The following FAM227B variants were observed in gnomAD, a reference collection of about 807,000 sequenced individuals.
FAM227B encodes the protein protein FAM227B.
Under a neutral mutation model 73.8 loss-of-function variants are expected in FAM227B, and 88 were observed. That is an observed-to-expected ratio of 1.19 (90% CI 1.00 to 1.42). The LOEUF is 1.42. Ranked by LOEUF, FAM227B falls within the 40% of genes most tolerant of loss-of-function variation. The probability of loss-of-function intolerance (pLI) is 0.00; values close to 1 mark genes in which losing one functional copy is unlikely to be tolerated. For synonymous variants in FAM227B, 210 were observed against 190.5 expected, an observed-to-expected ratio of 1.10 and a Z score of -0.84; for missense variants, 632 against 590.9, an observed-to-expected ratio of 1.07 and a Z score of -0.72.
intron 15 of FAM227B, chr15:49,329,206 G>T: frequency 2.0e-6 from 2 of 986,472 alleles, no homozygotes; most frequent in Non-Finnish European, 2.4e-6. Context: ...TGAATTCTGG[G>T]ATTTGTAATG....
chr15:49,382,736 GA>G (rs2046623710), intron 11 of FAM227B, among the ~76,000 whole-genome samples: 1 of 152,086 alleles, frequency 6.6e-6, no homozygotes, highest in Non-Finnish European at 1.5e-5. Flanking sequence ...CAATCACTGT[GA>G]AGATTCCCAG....
intron 11 of FAM227B, among the ~76,000 whole-genome samples, chr15:49,463,188 A>G (rs890602720): frequency 6.6e-6 from 1 of 152,162 alleles, no homozygotes; most frequent in African/African-American, 2.4e-5. Flanking sequence ...CCTCTTGCCA[A>G]TTTATCTCCC....
At chr15:49,405,517 A>G (rs1359617112) in intron 11 of FAM227B, among the ~76,000 whole-genome samples, 1 of 152,124 alleles carries the variant, frequency 6.6e-6, no homozygotes, top group Non-Finnish European at 1.5e-5. Flanking sequence ...TCAAGCTCTG[A>G]GATGCTTTCT....
chr15:49,498,783 C>T (rs1316592044), intron 11 of FAM227B, among the ~76,000 whole-genome samples: 47 of 152,178 alleles, frequency 3.1e-4, no homozygotes, highest in Non-Finnish European at 2.9e-5. Context: ...AAGGATCTGT[C>T]AGCCAAATGG....
At position 49,568,329 on chromosome 15, in the gene FAM227B, T is replaced by C; in HGVS notation, c.663A>G (p.Gln221=). The change falls in exon 9 of 16, where the codon CAA becomes CAG. Residue 221 remains glutamine (Q), a synonymous_variant. Transcript: ENST00000299338. ...LHKFRPDREN[Q]DCLFDRISES... is the part of the protein sequence containing the mutation. ...CTGAAATTCTATCGAATAAGCAATCTTGGTTTTCTCTGTCAGGCTTAAAAA... is the reference window on the plus strand; with the variant it reads ...CTGAAATTCTATCGAATAAGCAATCCTGGTTTTCTCTGTCAGGCTTAAAAA... 1.2e-6 allele frequency: 2 copies of C among 1,610,312 alleles called. No individual in the cohort carries two copies. The highest frequency in any genetic ancestry group is 8.5e-7 in the Non-Finnish European group (1 of 1,178,376).
chr15:49,473,681 T>C (rs2054992884), intron 11 of FAM227B, among the ~76,000 whole-genome samples: 1 of 152,140 alleles, frequency 6.6e-6, no homozygotes, highest in African/African-American at 2.4e-5. Flanking sequence ...TTCTCTTATT[T>C]CAACATTTGG....
chr15:49,375,513 T>TA (rs565339396), intron 11 of FAM227B, among the ~76,000 whole-genome samples: 44 of 151,946 alleles, frequency 2.9e-4, no homozygotes, highest in African/African-American at 1.0e-3. Flanking sequence ...TATTTTTTTT[T>TA]ATAAGAACCA....
At chr15:49,423,271 C>T (rs2049846568) in intron 11 of FAM227B, 1 of 152,154 alleles carries the variant, frequency 6.6e-6, no homozygotes, top group African/African-American at 2.4e-5. Flanking sequence ...CACGCGCTCA[C>T]ACACAGAGAG....
chr15:49,587,096 G>C (rs535455735), intron 5 of FAM227B, among the ~76,000 whole-genome samples: 2 of 152,040 alleles, frequency 1.3e-5, no homozygotes, highest in African/African-American at 4.8e-5. Context: ...CCCATCAATG[G>C]TTGACTGCAT....
At chr15:49,491,159 C>T (rs2057054286) in intron 11 of FAM227B, among the ~76,000 whole-genome samples, 1 of 151,892 alleles carries the variant, frequency 6.6e-6, no homozygotes, top group Admixed American at 6.6e-5. Flanking sequence ...TCTCAACATC[C>T]ATTCAGATTC....
chr15:49,484,631 A>G, intron 11 of FAM227B: 1 of 523,128 alleles, frequency 1.9e-6, no homozygotes, highest in Non-Finnish European at 3.3e-6. Flanking sequence ...AACTACTGAA[A>G]AACTGATCAA....
At chr15:49,617,153 T>G (rs1452096379) in intron 1 of FAM227B, among the ~76,000 whole-genome samples, 1 of 152,240 alleles carries the variant, frequency 6.6e-6, no homozygotes, top group African/African-American at 2.4e-5. Context: ...ATCACCATTT[T>G]AATCCTTGTA....
At chr15:49,590,829 C>CA (rs1374349583) in intron 3 of FAM227B, among the ~76,000 whole-genome samples, 4 of 152,060 alleles carry the variant, frequency 2.6e-5, no homozygotes, top group African/African-American at 9.7e-5. Flanking sequence ...CCCTTTCTTT[C>CA]ACAAGCCCCA....
In FAM227B at chr15:49,461,138, C is replaced by G. The variant is rs546194602; in HGVS notation, c.1012+47073G>C. Among the ~76,000 whole-genome samples, 55 of 152,306 alleles carry G rather than the reference C, an allele frequency of 3.6e-4. No homozygotes were observed. In the South Asian group the frequency reaches 0.01, roughly 29 times the overall value. On this transcript the variant is annotated intron_variant, in intron 11 of 15. Transcript: ENST00000299338. ...CTTCCATCCTGATGAACTTCTTCTTCCTATCTGTTGAAGTCCTCCTCGACT... is the reference window on the plus strand; with the variant it reads ...CTTCCATCCTGATGAACTTCTTCTTGCTATCTGTTGAAGTCCTCCTCGACT...
Position 49,358,171 on chromosome 15 carries a change from G to C in FAM227B, c.1271+9277C>G, listed in dbSNP as rs542538330. On this transcript the variant is annotated intron_variant, in intron 13 of 15. Coordinates refer to ENST00000299338, the MANE Select transcript of FAM227B (RefSeq NM_152647.3). ...AAACTGGAAGCATTCCCTTTGAAAA[G>C]TGGCACAAGACAGGGATGCCCTCCT... 7.2e-3 allele frequency among the ~76,000 whole-genome samples: 1,086 copies of C among 151,494 alleles called. 20 individuals carry two copies. The highest frequency in any genetic ancestry group is 0.025 in the African/African-American group (1,042 of 41,072).
intron 11 of FAM227B, among the ~76,000 whole-genome samples, chr15:49,376,980 C>T (rs140997202): frequency 1.3e-5 from 2 of 152,056 alleles, no homozygotes; most frequent in Non-Finnish European, 2.9e-5. Flanking sequence ...TTTTTTCTAG[C>T]TACTTTTTTT....
At chr15:49,371,527 T>G in intron 11 of FAM227B, 128 bp from the exon 12 acceptor site, 1 of 444,264 alleles carries the variant, frequency 2.3e-6, no homozygotes, top group East Asian at 3.6e-5. Flanking sequence ...GGATAAAGAG[T>G]GTTAAGACAT....
intron 11 of FAM227B, chr15:49,425,513 A>G (rs1417383571): frequency 6.6e-6 from 1 of 152,016 alleles, no homozygotes; most frequent in Non-Finnish European, 1.5e-5. Context: ...AGCACTCAGA[A>G]AACATTGTTA....
In FAM227B at chr15:49,331,773, AACCT is replaced by A; in HGVS notation, c.1419+3_1419+6del. The A allele has an allele frequency of 6.4e-7, 1 of 1,561,292 alleles. No individual in the cohort carries two copies. The highest frequency in any genetic ancestry group is 1.4e-5 in the African/African-American group (1 of 73,990). On this transcript the variant is annotated splice_donor_5th_base_variant and intron_variant, in intron 15 of 15. Coordinates refer to ENST00000299338, the MANE Select transcript of FAM227B (RefSeq NM_152647.3). ...AATTCTCAATTATTTTCAGAAAGAA[AACCT>A]ACCAGTTTATGTAGGAACTTCTCAA... is the stretch of plus-strand genomic sequence containing the variant.
Sources: gnomAD v4.1 joint callset for allele counts (sites outside exome capture counted in the v4.1 genomes callset) on GRCh38, gnomAD v4.1.1 for gene constraint, MANE v1.5 for transcripts, NCBI Gene and HGNC (gene_info 2026-07-23, HGNC 2026-07-21) for gene names.